TRIM24: variants seen among roughly 807,000 people sequenced by gnomAD.
The protein encoded by TRIM24 is transcription intermediary factor 1-alpha.
In TRIM24, 29 loss-of-function variants were observed where a neutral mutation model predicts 123.9. The observed-to-expected ratio is 0.23, with a 90% confidence interval of 0.17 to 0.32. The LOEUF (loss-of-function observed/expected upper bound fraction) is 0.32. Among genes scored for constraint, TRIM24 ranks in the 10% least tolerant of loss-of-function variants. The pLI is 1.00. For synonymous variants in TRIM24, 456 were observed against 461.1 expected (o/e 0.99, Z 0.14); for missense variants, 932 against 1,295.3 (o/e 0.72, Z 4.31).
rs4401770 is a variant in TRIM24, at chr7:138,486,482, A to G, written c.365-17808A>G. Among the ~76,000 whole-genome samples the G allele has an allele frequency of 1.6e-3, 247 of 152,266 alleles. 1 individual carries two copies. Among genetic ancestry groups the G allele is most frequent in the African/African-American group, 5.3e-3 (219 of 41,544 alleles). The stretch of plus-strand genomic sequence containing the variant: ...TTTATGGTTTTAGGTCTAACATTTA[A>G]GTCTTTAATCCATCTTGAATTAATT... On this transcript the variant is annotated intron_variant, in intron 1 of 18. Transcript: ENST00000343526.
chr7:138,537,384 T>TTTG (rs1796908672), intron 6 of TRIM24, among the ~76,000 whole-genome samples: 1 of 124,090 alleles, frequency 8.1e-6, no homozygotes, highest in Non-Finnish European at 1.7e-5. Flanking sequence ...TGTTTGTTTT[T>TTTG]TTTTTTTTTT....
At chr7:138,566,663 G>T (rs912766296) in intron 9 of TRIM24, among the ~76,000 whole-genome samples, 3 of 151,830 alleles carry the variant, frequency 2.0e-5, no homozygotes, top group Non-Finnish European at 4.4e-5. Flanking sequence ...CTTGGTGTTA[G>T]CTGTGTGACT....
Position 138,586,054 on chromosome 7 carries a change from A to T in TRIM24, c.*1103A>T. On this transcript the variant is annotated 3_prime_UTR_variant, in exon 19 of 19. Coordinates refer to ENST00000343526, the MANE Select transcript of TRIM24 (RefSeq NM_015905.3). ...ATGTTTTTCTTTTGAGAGTCAGAAC[A>T]TCAAACTTAATCTTTGATCTGACTT... is the stretch of plus-strand genomic sequence containing the variant. 1 of 423,646 alleles carries T rather than the reference A, an allele frequency of 2.4e-6. No homozygotes were observed. Among genetic ancestry groups the T allele is most frequent in the South Asian group, 1.8e-5 (1 of 54,244 alleles). The allele number at this position is 423,646 out of a possible 1,614,324, so 26.2% of individuals were successfully genotyped here.
Position 138,526,432 on chromosome 7 carries a change from GTTTTTGT to G in TRIM24, c.881+1095_881+1101del, listed in dbSNP as rs568804778. On this transcript the variant is annotated intron_variant, in intron 5 of 18. Transcript: ENST00000343526. ...TCAGCTCTCATTTGTTTTTACCTCT[GTTTTTGT>G]TTTTTGTTTTTTGTTTTTTTTTGAG... Among the ~76,000 whole-genome samples the G allele has an allele frequency of 3.7e-3, 555 of 151,726 alleles. 1 individual carries two copies. Among genetic ancestry groups the G allele is most frequent in the African/African-American group, 0.012 (480 of 41,404 alleles).
chr7:138,477,541 A>G (rs1795430615), intron 1 of TRIM24, among the ~76,000 whole-genome samples: 1 of 152,206 alleles, frequency 6.6e-6, no homozygotes, highest in African/African-American at 2.4e-5. Context: ...TGTATCAACC[A>G]GATAGTTTTA....
intron 5 of TRIM24, among the ~76,000 whole-genome samples, chr7:138,527,132 C>T (rs1169936634): frequency 6.6e-6 from 1 of 151,974 alleles, no homozygotes; most frequent in African/African-American, 2.4e-5. Flanking sequence ...CTTTATAGAC[C>T]ATATATATGT....
Position 138,551,188 on chromosome 7 carries a change from A to G in TRIM24, c.1261+8A>G. 6.3e-7 allele frequency: 1 copy of G among 1,587,076 alleles called. No individual in the cohort carries two copies. Among genetic ancestry groups the G allele is most frequent in the South Asian group, 1.1e-5 (1 of 90,518 alleles). On this transcript the variant is annotated splice_region_variant and intron_variant, in intron 8 of 18. Transcript: ENST00000343526. ...AAAATATCATCAACTTAGGTGGGCC[A>G]TTACCATTACATACATTTCTCAGTG... is the stretch of plus-strand genomic sequence containing the variant.
chr7:138,493,673 A>G (rs1296864213), intron 1 of TRIM24, among the ~76,000 whole-genome samples: 4 of 152,164 alleles, frequency 2.6e-5, no homozygotes, highest in Admixed American at 1.3e-4. Context: ...CTGCCATACC[A>G]ATTAAATCAC....
At chr7:138,538,923 T>G (rs1342938275) in intron 7 of TRIM24, 120 bp downstream of exon 7, 2 of 893,566 alleles carry the variant, frequency 2.2e-6, no homozygotes, top group African/African-American at 3.4e-5. Context: ...TTCTAATATC[T>G]ATCAAAATAT....
chr7:138,517,271 A>G (rs1796419865), intron 3 of TRIM24, among the ~76,000 whole-genome samples: 1 of 152,030 alleles, frequency 6.6e-6, no homozygotes, highest in South Asian at 2.1e-4. Context: ...CTTCAGAAAT[A>G]TTTCTTGTAT....
At chr7:138,470,507 A>G (rs900031665) in intron 1 of TRIM24, among the ~76,000 whole-genome samples, 2 of 152,240 alleles carry the variant, frequency 1.3e-5, no homozygotes, top group Non-Finnish European at 2.9e-5. Flanking sequence ...CAAAAAATAG[A>G]AGATTATGGT....
At position 138,460,396 on chromosome 7, in the gene TRIM24, T is replaced by C. The variant is rs1794930184; in HGVS notation, c.-153T>C. 3.7e-6 allele frequency: 3 copies of C among 808,966 alleles called. No individual in the cohort carries two copies. In the South Asian group the frequency reaches 1.7e-4, roughly 47 times the overall value. 50.1% of individuals were successfully genotyped at this position (808,966 alleles called of 1,614,324 possible). ...CGGATCCCGTGGGCCTGAGGAGGCT[T>C]CCCCCGCCCGGTTTGCTTTCCCTCC... On this transcript the variant is annotated 5_prime_UTR_variant, in exon 1 of 19. Coordinates refer to ENST00000343526, the MANE Select transcript of TRIM24 (RefSeq NM_015905.3).
chr7:138,580,478 A>G, intron 15 of TRIM24, 84 bp from the exon 16 acceptor site: 1 of 1,495,406 alleles, frequency 6.7e-7, no homozygotes, highest in Non-Finnish European at 9.0e-7. Flanking sequence ...TGTATCATAG[A>G]TGTCATGGAG....
intron 2 of TRIM24, among the ~76,000 whole-genome samples, chr7:138,508,721 G>A (rs1240751125): frequency 9.4e-5 from 11 of 116,882 alleles, no homozygotes; most frequent in Non-Finnish European, 1.9e-4. Flanking sequence ...GTGTGTGTGC[G>A]TGTGTGTGTG....
chr7:138,508,981 C>A (rs10224063), intron 2 of TRIM24, among the ~76,000 whole-genome samples: 1,975 of 152,128 alleles, frequency 0.013, 34 homozygotes, highest in African/African-American at 0.044. Flanking sequence ...CAGAGTCTCA[C>A]TCTGTTGCCC....
chr7:138,527,854 T>C (rs1413235036), intron 5 of TRIM24, among the ~76,000 whole-genome samples: 1 of 152,108 alleles, frequency 6.6e-6, no homozygotes, highest in African/African-American at 2.4e-5. Flanking sequence ...ACCCAGCGGA[T>C]TAATATCCAA....
intron 12 of TRIM24, among the ~76,000 whole-genome samples, chr7:138,574,513 A>G (rs1797717847): frequency 6.6e-6 from 1 of 152,250 alleles, no homozygotes. Flanking sequence ...AAAGGACATG[A>G]TAAGTAGATA....
At position 138,501,595 on chromosome 7, in the gene TRIM24, T is replaced by C. The variant is rs1037141731; in HGVS notation, c.365-2695T>C. 2.2e-4 allele frequency among the ~76,000 whole-genome samples: 34 copies of C among 152,078 alleles called. No individual in the cohort carries two copies. In the Middle Eastern group the frequency reaches 0.024, roughly 106 times the overall value. ...TGCGATCCATTGTTGGCTAAAAAAA[T>C]GTTAGGCAGTGGCCAGGCGTGGTGG... On this transcript the variant is annotated intron_variant, in intron 1 of 18. Coordinates refer to ENST00000343526, the MANE Select transcript of TRIM24 (RefSeq NM_015905.3).
At chr7:138,544,413 A>G (rs1024509197) in intron 7 of TRIM24, among the ~76,000 whole-genome samples, 1 of 152,122 alleles carries the variant, frequency 6.6e-6, no homozygotes, top group African/African-American at 2.4e-5. Context: ...TTATTTGTCC[A>G]TGCATCATTG....
Sources: allele counts gnomAD v4.1 joint callset (sites outside exome capture counted in the v4.1 genomes callset), GRCh38; gene constraint gnomAD v4.1.1; transcripts MANE v1.5; gene names NCBI Gene and HGNC (gene_info 2026-07-23, HGNC 2026-07-21).